ANKS1B: variants seen among roughly 807,000 people sequenced by gnomAD.
ANKS1B encodes the protein ankyrin repeat and sterile alpha motif domain containing 1B.
ANKS1B carries 36 observed loss-of-function variants against 148.3 expected under a neutral mutation model. The observed-to-expected ratio is 0.24, with a 90% CI of 0.19 to 0.32. The LOEUF is 0.32. Among genes scored for constraint, ANKS1B ranks in the 10% least tolerant of loss-of-function variants. The pLI, the probability that ANKS1B is intolerant of heterozygous loss-of-function variation, is 1.00. For synonymous variants in ANKS1B, 542 were observed against 560.8 expected (o/e 0.97, Z 0.47); for missense variants, 1,157 against 1,542.6 (o/e 0.75, Z 4.19).
chr12:99,551,551 AGGG>A (rs2097218759), intron 9 of ANKS1B, among the ~76,000 whole-genome samples: 3 of 23,834 alleles, frequency 1.3e-4, no homozygotes, highest in Non-Finnish European at 2.8e-4. Context: ...AGGGGAGGGG[AGGG>A]GAGGGGAGGG....
intron 12 of ANKS1B, among the ~76,000 whole-genome samples, chr12:99,316,727 G>C (rs2084180019): frequency 6.6e-6 from 1 of 152,148 alleles, no homozygotes; most frequent in African/African-American, 2.4e-5. Flanking sequence ...TGGTGTTTTA[G>C]TCATGAAGTC....
intron 20 of ANKS1B, among the ~76,000 whole-genome samples, chr12:98,802,794 C>A (rs2099016773): frequency 6.6e-6 from 1 of 151,734 alleles, no homozygotes. Flanking sequence ...CAGCCACTCT[C>A]CACATTAGTT....
intron 9 of ANKS1B, among the ~76,000 whole-genome samples, chr12:99,613,643 G>C (rs759759606): frequency 2.6e-5 from 4 of 152,030 alleles, no homozygotes; most frequent in African/African-American, 9.7e-5. Context: ...ATAAGTGGCA[G>C]CTAAATGATG....
At position 99,611,580 on chromosome 12, in the gene ANKS1B, G is replaced by T. The variant is rs368427683; in HGVS notation, c.1272+43487C>A. Among the ~76,000 whole-genome samples the T allele has an allele frequency of 6.6e-5, 10 of 152,016 alleles. 1 individual carries two copies. In the East Asian group the frequency reaches 9.6e-4, roughly 15 times the overall value. On this transcript the variant is annotated intron_variant, in intron 9 of 26. Coordinates refer to ENST00000683438, the MANE Select transcript of ANKS1B (RefSeq NM_001352186.2). ...TCTGTGATAAATGAGACAGGGCTTC[G>T]GGGCGTTTCAGCCAGCCTCCCCTGA...
chr12:99,016,692 AAGG>A (rs538035751), intron 17 of ANKS1B, among the ~76,000 whole-genome samples: 165 of 152,286 alleles, frequency 1.1e-3, no homozygotes, highest in Admixed American at 1.8e-3. Flanking sequence ...AACAAAAAAG[AAGG>A]AGATTACATA....
intron 9 of ANKS1B, among the ~76,000 whole-genome samples, chr12:99,631,698 A>G (rs1598444193): frequency 6.6e-6 from 1 of 152,202 alleles, no homozygotes; most frequent in African/African-American, 2.4e-5. Flanking sequence ...GAACTAGAGT[A>G]TGTGGCAGAA....
At chr12:99,883,526 A>T (rs1270373227) in intron 1 of ANKS1B, among the ~76,000 whole-genome samples, 1 of 152,212 alleles carries the variant, frequency 6.6e-6, no homozygotes. Flanking sequence ...CATAAAAAAA[A>T]TTTTGATAAA....
chr12:99,040,184 A>G (rs2099958036), intron 17 of ANKS1B, among the ~76,000 whole-genome samples: 1 of 152,108 alleles, frequency 6.6e-6, no homozygotes. Context: ...TCTAAAGGGA[A>G]GGCAATATTC....
At chr12:99,858,880 AG>A (rs992052548) in intron 1 of ANKS1B, among the ~76,000 whole-genome samples, 3 of 152,036 alleles carry the variant, frequency 2.0e-5, no homozygotes, top group Non-Finnish European at 4.4e-5. Flanking sequence ...TCGGGGAAAG[AG>A]GGGGCGGGTG....
Position 99,984,759 on chromosome 12 carries a change from G to A in ANKS1B, c.-522C>T, listed in dbSNP as rs1260122662. The A allele has an allele frequency of 6.7e-6, 1 of 149,258 alleles. No homozygotes were observed. The highest frequency in any genetic ancestry group is 2.4e-5 in the African/African-American group (1 of 40,984). The allele number at this position is 149,258 out of a possible 1,614,324, so 9.2% of individuals were successfully genotyped here. Reference sequence around the variant, plus strand: ...CGGGGGCGGCGTCCGCGGCGGGGAGGAGCGCGGCGGCGGCGGCGGCGGCTC... The same window carrying A: ...CGGGGGCGGCGTCCGCGGCGGGGAGAAGCGCGGCGGCGGCGGCGGCGGCTC... On this transcript the variant is annotated 5_prime_UTR_variant, in exon 1 of 27. Transcript: ENST00000683438.
At chr12:99,551,805 T>C (rs1308454852) in intron 9 of ANKS1B, among the ~76,000 whole-genome samples, 2 of 152,148 alleles carry the variant, frequency 1.3e-5, no homozygotes, top group African/African-American at 4.8e-5. Flanking sequence ...ATTTACTGTC[T>C]CCTAGCCATT....
chr12:99,361,773 G>A (rs187666315), intron 12 of ANKS1B, among the ~76,000 whole-genome samples: 20 of 152,058 alleles, frequency 1.3e-4, no homozygotes, highest in South Asian at 1.2e-3. Context: ...GGGATAACTC[G>A]TGATTTGTTT....
At chr12:99,128,726 G>C (rs2065167099) in intron 15 of ANKS1B, among the ~76,000 whole-genome samples, 1 of 152,202 alleles carries the variant, frequency 6.6e-6, no homozygotes, top group South Asian at 2.1e-4. Context: ...CCAGTCTGTT[G>C]AGTAGAAGTA....
At chr12:99,415,193 G>A (rs1390082638) in intron 11 of ANKS1B, among the ~76,000 whole-genome samples, 5 of 152,086 alleles carry the variant, frequency 3.3e-5, no homozygotes, top group Admixed American at 2.6e-4. Flanking sequence ...CAACTATTTT[G>A]CAAAAAATAC....
chr12:98,949,276 T>C (rs929194030), intron 17 of ANKS1B, among the ~76,000 whole-genome samples: 1 of 151,988 alleles, frequency 6.6e-6, no homozygotes, highest in Non-Finnish European at 1.5e-5. Context: ...TTTAAGGCAG[T>C]TGGAAGCCCA....
At chr12:99,699,951 GT>G (rs1476755370) in intron 8 of ANKS1B, among the ~76,000 whole-genome samples, 3 of 152,092 alleles carry the variant, frequency 2.0e-5, no homozygotes, top group African/African-American at 7.2e-5. Context: ...TAAAATGAAA[GT>G]AAAAGGTTTT....
intron 17 of ANKS1B, among the ~76,000 whole-genome samples, chr12:98,878,932 C>G (rs1378167227): frequency 1.3e-5 from 2 of 152,098 alleles, no homozygotes; most frequent in African/African-American, 4.8e-5. Flanking sequence ...AATTTTTAAG[C>G]TTTTTTCAAT....
intron 8 of ANKS1B, among the ~76,000 whole-genome samples, chr12:99,658,214 C>A (rs913486732): frequency 2.0e-5 from 3 of 152,070 alleles, no homozygotes; most frequent in African/African-American, 7.2e-5. Flanking sequence ...TCCAAATACC[C>A]GCCTCACTAG....
chr12:99,574,125 T>C (rs539954788), intron 9 of ANKS1B, among the ~76,000 whole-genome samples: 5 of 152,058 alleles, frequency 3.3e-5, no homozygotes, highest in African/African-American at 1.2e-4. Flanking sequence ...CTCAGTTGAG[T>C]TTTCTCTTAA....
Sources: allele counts gnomAD v4.1 joint callset (sites outside exome capture counted in the v4.1 genomes callset), GRCh38; gene constraint gnomAD v4.1.1; transcripts MANE v1.5; gene names NCBI Gene and HGNC (gene_info 2026-07-23, HGNC 2026-07-21).